LRRC37A2: variants seen among roughly 807,000 people sequenced by gnomAD.
LRRC37A2 encodes leucine-rich repeat-containing protein 37A2.
Under a neutral mutation model 68.8 loss-of-function variants are expected in LRRC37A2, and 9 were observed. That is an observed-to-expected ratio of 0.13 (90% confidence interval 0.08 to 0.23). LRRC37A2 has a LOEUF of 0.23. Ranked by LOEUF, LRRC37A2 falls within the 10% of genes least tolerant of loss-of-function variation. The pLI, the probability that LRRC37A2 is intolerant of heterozygous loss-of-function variation, is 1.00. For missense variants in LRRC37A2, 168 were observed against 950.4 expected (o/e 0.18, Z 10.82); for synonymous variants, 63 against 367.6 (o/e 0.17, Z 9.48).
the LRRC37A2 span, chr17:46,978,812 G>A: frequency 6.2e-7 from 1 of 1,610,710 alleles, no homozygotes; most frequent in South Asian, 1.1e-5. Flanking sequence ...TGCGCCACCC[G>A]CGACACCCAC....
At chr17:46,988,238 A>G in the LRRC37A2 span, among the ~76,000 whole-genome samples, 1 of 152,222 alleles carries the variant, frequency 6.6e-6, no homozygotes, top group Admixed American at 6.5e-5. Flanking sequence ...AAAAAATAAC[A>G]TATACTGTAT....
chr17:46,748,703 G>A, the LRRC37A2 span, among the ~76,000 whole-genome samples: 586 of 152,308 alleles, frequency 3.8e-3, 5 homozygotes, highest in African/African-American at 0.012. Context: ...GACTCCTGGA[G>A]GGGAATTTCT....
chr17:46,962,152 C>A, the LRRC37A2 span, among the ~76,000 whole-genome samples: 1 of 151,962 alleles, frequency 6.6e-6, no homozygotes, highest in African/African-American at 2.4e-5. Context: ...ATGGTGAAAC[C>A]CTGTCTCTAC....
At chr17:46,766,060 G>GA in the LRRC37A2 span, among the ~76,000 whole-genome samples, 2 of 151,660 alleles carry the variant, frequency 1.3e-5, no homozygotes, top group Non-Finnish European at 2.9e-5. Context: ...TAAGATTGAG[G>GA]AAAAAAAACA....
At chr17:46,865,911 C>CA in the LRRC37A2 span, among the ~76,000 whole-genome samples, 1 of 151,814 alleles carries the variant, frequency 6.6e-6, no homozygotes, top group Non-Finnish European at 1.5e-5. Context: ...AATGCCTGAC[C>CA]AAAAAAATCC....
At chr17:46,947,071 T>A in the LRRC37A2 span, among the ~76,000 whole-genome samples, 1 of 151,790 alleles carries the variant, frequency 6.6e-6, no homozygotes, top group East Asian at 1.9e-4. Flanking sequence ...GAGTGGATTG[T>A]GGAAAGAGTA....
chr17:47,024,663 A>G, the LRRC37A2 span: 1 of 947,252 alleles, frequency 1.1e-6, no homozygotes, highest in East Asian at 2.4e-5. Flanking sequence ...TCTAGAAATA[A>G]CTTCTTCATT....
the LRRC37A2 span, among the ~76,000 whole-genome samples, chr17:46,759,854 T>C: frequency 6.6e-6 from 1 of 152,222 alleles, no homozygotes; most frequent in Middle Eastern, 3.2e-3. Context: ...ATCTTCTAAT[T>C]ATGTCGTCTC....
intron 6 of LRRC37A2, among the ~76,000 whole-genome samples, chr17:46,525,614 A>AATCATC (rs745821194): frequency 2.1e-4 from 24 of 114,504 alleles, no homozygotes; most frequent in African/African-American, 6.4e-4. Flanking sequence ...TAATAATAAT[A>AATCATC]ATCATCATCA....
At chr17:46,953,392 G>T in the LRRC37A2 span, among the ~76,000 whole-genome samples, 1 of 152,132 alleles carries the variant, frequency 6.6e-6, no homozygotes, top group Non-Finnish European at 1.5e-5. Context: ...ATTTTTTATG[G>T]CTGCATAGTA....
At position 46,521,187 on chromosome 17, in the gene LRRC37A2, A is replaced by T. The variant is rs920175284; in HGVS notation, c.2753+904A>T. On this transcript the variant is annotated intron_variant, in intron 4 of 14. Coordinates refer to ENST00000576629, the Ensembl canonical transcript of LRRC37A2. ...TTTCTGTCTGTTTAGAGACAAGAAG[A>T]TACTATGTTCATTGCTATGAATGCT... Among the ~76,000 whole-genome samples, 5 of 67,084 alleles carry T rather than the reference A, an allele frequency of 7.5e-5. 1 individual carries two copies. Among genetic ancestry groups the T allele is most frequent in the African/African-American group, 2.4e-4 (5 of 21,032 alleles). 44.0% of individuals were successfully genotyped at this position (67,084 alleles called of 152,430 possible).
the LRRC37A2 span, chr17:46,921,377 C>T: frequency 6.6e-6 from 1 of 152,286 alleles, no homozygotes; most frequent in South Asian, 2.1e-4. Flanking sequence ...ACCATAAAAA[C>T]CCTAGAAGAA....
the LRRC37A2 span, chr17:46,935,328 G>A: frequency 3.5e-5 from 52 of 1,496,842 alleles, no homozygotes; most frequent in South Asian, 9.6e-5. Context: ...TTGGAGTTGA[G>A]TTATTGTGAG....
At chr17:47,015,689 A>T in the LRRC37A2 span, among the ~76,000 whole-genome samples, 7 of 152,354 alleles carry the variant, frequency 4.6e-5, no homozygotes, top group Middle Eastern at 3.4e-3. Context: ...GTATCATTTC[A>T]GTGGGAACTT....
chr17:47,030,931 G>C, the LRRC37A2 span, among the ~76,000 whole-genome samples: 1 of 152,170 alleles, frequency 6.6e-6, no homozygotes, highest in Non-Finnish European at 1.5e-5. Flanking sequence ...ATTGAATAGA[G>C]CCTAACCTTC....
the LRRC37A2 span, among the ~76,000 whole-genome samples, chr17:46,847,404 A>T: frequency 2.0e-5 from 3 of 152,238 alleles, no homozygotes; most frequent in Admixed American, 1.3e-4. Context: ...CCCACATGCT[A>T]CCTCACAGTG....
At chr17:46,717,943 CAGA>C in the LRRC37A2 span, among the ~76,000 whole-genome samples, 1 of 152,220 alleles carries the variant, frequency 6.6e-6, no homozygotes, top group Non-Finnish European at 1.5e-5. Context: ...GACCCTGGCC[CAGA>C]AGAAGTGCTG....
At chr17:46,823,367 A>G in the LRRC37A2 span, among the ~76,000 whole-genome samples, 1 of 150,518 alleles carries the variant, frequency 6.6e-6, no homozygotes, top group Non-Finnish European at 1.5e-5. Context: ...TGTGCCCGCC[A>G]CCACGCCTGA....
At chr17:46,558,388 T>TTTTG (rs536886712), downstream of LRRC37A2, among the ~76,000 whole-genome samples, 3 of 105,446 alleles carry the variant, frequency 2.8e-5, no homozygotes, top group South Asian at 2.9e-4. Context: ...TTTTTTTGTG[T>TTTTG]TTTGTTTGTT....
Sources: gnomAD v4.1 joint callset for allele counts (sites outside exome capture counted in the v4.1 genomes callset) on GRCh38, gnomAD v4.1.1 for gene constraint, MANE v1.5 for transcripts, NCBI Gene and HGNC (gene_info 2026-07-23, HGNC 2026-07-21) for gene names.